Variants in ANKS1B observed in about 807,000 individuals in gnomAD.
ANKS1B encodes the protein ankyrin repeat and sterile alpha motif domain-containing protein 1B.
A neutral mutation model predicts 148.3 loss-of-function variants in ANKS1B; 36 were observed. The observed-to-expected ratio is 0.24, with a 90% CI of 0.19 to 0.32. ANKS1B has a LOEUF of 0.32. Among genes scored for constraint, ANKS1B ranks in the 10% least tolerant of loss-of-function variants. The pLI is 1.00. For synonymous variants in ANKS1B, 542 were observed against 560.8 expected (o/e 0.97, Z 0.47); for missense variants, 1,157 against 1,542.6 (o/e 0.75, Z 4.19).
chr12:99,196,615 C>G (rs1024418844), intron 14 of ANKS1B, among the ~76,000 whole-genome samples: 8 of 150,312 alleles, frequency 5.3e-5, no homozygotes, highest in African/African-American at 2.0e-4. Context: ...TGTTTTTTTT[C>G]TTTTTTTTAA....
chr12:99,456,751 C>T (rs1255656040), intron 10 of ANKS1B, among the ~76,000 whole-genome samples: 1 of 151,902 alleles, frequency 6.6e-6, no homozygotes, highest in Non-Finnish European at 1.5e-5. Flanking sequence ...ATGAACAAGG[C>T]CTCCAAGAAA....
intron 1 of ANKS1B, among the ~76,000 whole-genome samples, chr12:99,877,388 C>T (rs2092182832): frequency 6.6e-6 from 1 of 152,052 alleles, no homozygotes; most frequent in Non-Finnish European, 1.5e-5. Context: ...TGATTATGCC[C>T]CCTAGAAATC....
At position 99,616,403 on chromosome 12, in the gene ANKS1B, A is replaced by G. The variant is rs377349997; in HGVS notation, c.1272+38664T>C. Among the ~76,000 whole-genome samples the G allele has an allele frequency of 4.1e-4, 62 of 152,336 alleles. 1 individual carries two copies. The East Asian group carries it at 0.011, about 27-fold the overall frequency. On this transcript the variant is annotated intron_variant, in intron 9 of 26. Transcript: ENST00000683438. ...TGACTTCAAACTATACTACAAGGCT[A>G]CAGTAACCAAAACAGCAGGGTACTC... is the stretch of plus-strand genomic sequence containing the variant.
At chr12:99,704,226 G>C (rs2055345131) in intron 8 of ANKS1B, among the ~76,000 whole-genome samples, 2 of 152,036 alleles carry the variant, frequency 1.3e-5, no homozygotes. Context: ...GTCCTCTGTG[G>C]GCTAACGTGG....
intron 1 of ANKS1B, among the ~76,000 whole-genome samples, chr12:99,865,750 A>C (rs1045470504): frequency 6.6e-5 from 10 of 152,182 alleles, no homozygotes; most frequent in African/African-American, 1.9e-4. Context: ...GTTGGTCTTT[A>C]TTTACACTAA....
intron 17 of ANKS1B, among the ~76,000 whole-genome samples, chr12:99,005,396 T>C (rs1229501878): frequency 6.6e-6 from 1 of 152,238 alleles, no homozygotes; most frequent in Non-Finnish European, 1.5e-5. Flanking sequence ...CAGTGCATTC[T>C]AATCCTTCCT....
chr12:99,965,652 G>A (rs7312868), intron 1 of ANKS1B, among the ~76,000 whole-genome samples: 10,226 of 152,204 alleles, frequency 0.067, 411 homozygotes, highest in Non-Finnish European at 0.081. Flanking sequence ...GGCCAGGCAC[G>A]GTGGCTCACG....
chr12:98,833,630 G>A (rs2099344762), intron 17 of ANKS1B, among the ~76,000 whole-genome samples: 1 of 152,012 alleles, frequency 6.6e-6, no homozygotes. Flanking sequence ...TGGTATATGT[G>A]CAGGTTTGTT....
At chr12:98,914,656 A>T (rs2099791703) in intron 17 of ANKS1B, among the ~76,000 whole-genome samples, 1 of 151,940 alleles carries the variant, frequency 6.6e-6, no homozygotes, top group Non-Finnish European at 1.5e-5. Flanking sequence ...CTGTTGAGTG[A>T]ACACTCCAGG....
At chr12:99,843,848 T>G (rs372645575) in intron 1 of ANKS1B, among the ~76,000 whole-genome samples, 95 of 152,252 alleles carry the variant, frequency 6.2e-4, no homozygotes, top group African/African-American at 2.3e-3. Flanking sequence ...TTCCACAATG[T>G]TGAACTAATT....
intron 8 of ANKS1B, among the ~76,000 whole-genome samples, chr12:99,715,289 G>A (rs997117572): frequency 6.6e-6 from 1 of 152,000 alleles, no homozygotes; most frequent in Non-Finnish European, 1.5e-5. Flanking sequence ...CATAAAAGAA[G>A]TGAAAATGGC....
intron 3 of ANKS1B, 59 bp downstream of exon 3, chr12:99,812,096 T>C (rs773279963): frequency 1.2e-5 from 19 of 1,531,694 alleles, no homozygotes; most frequent in Admixed American, 2.0e-5. Context: ...ATTTTCAATA[T>C]GGCTTTGCCT....
At chr12:98,869,691 ATGTG>A (rs1338566570) in intron 17 of ANKS1B, among the ~76,000 whole-genome samples, 1 of 152,098 alleles carries the variant, frequency 6.6e-6, no homozygotes, top group Non-Finnish European at 1.5e-5. Context: ...ATACATATGT[ATGTG>A]TGTGTATGTG....
intron 14 of ANKS1B, among the ~76,000 whole-genome samples, chr12:99,169,438 T>A (rs1246984828): frequency 1.3e-5 from 2 of 151,942 alleles, no homozygotes; most frequent in African/African-American, 4.8e-5. Context: ...ACAAGAGTTT[T>A]AAAAAAAAGA....
At chr12:99,223,763 G>A (rs993067842) in intron 14 of ANKS1B, among the ~76,000 whole-genome samples, 2 of 151,972 alleles carry the variant, frequency 1.3e-5, no homozygotes, top group African/African-American at 2.4e-5. Flanking sequence ...CTGCCTTCAG[G>A]CTTTCCACAC....
At chr12:99,813,816 C>T (rs904298462) in intron 2 of ANKS1B, among the ~76,000 whole-genome samples, 6 of 151,560 alleles carry the variant, frequency 4.0e-5, no homozygotes, top group Admixed American at 6.6e-5. Flanking sequence ...CATTATTTTA[C>T]GAAATCTGAA....
chr12:99,537,094 CATT>C (rs745434246), intron 9 of ANKS1B, among the ~76,000 whole-genome samples: 4 of 152,104 alleles, frequency 2.6e-5, no homozygotes, highest in Non-Finnish European at 5.9e-5. Context: ...GTCTAGATCT[CATT>C]ATTTTTATGG....
In ANKS1B at chr12:99,984,805, A is replaced by G. The variant is rs2095754610; in HGVS notation, c.-568T>C. 1.4e-5 allele frequency among the ~76,000 whole-genome samples: 2 copies of G among 145,072 alleles called. No individual in the cohort carries two copies. The highest frequency in any genetic ancestry group is 1.4e-4 in the Admixed American group (2 of 14,654). On this transcript the variant is annotated 5_prime_UTR_variant, in exon 1 of 27. Coordinates refer to ENST00000683438, the MANE Select transcript of ANKS1B (RefSeq NM_001352186.2). ...GGCTCGTGCGCTGTGGCCCGCGCCG[A>G]GGCAGGGCGGTGGGGGGCAGCCGCA...
At chr12:98,838,748 G>T (rs2099389280) in intron 17 of ANKS1B, among the ~76,000 whole-genome samples, 1 of 152,158 alleles carries the variant, frequency 6.6e-6, no homozygotes. Flanking sequence ...GAGCTCACCT[G>T]GCTTCAGAGT....
Sources: allele counts gnomAD v4.1 joint callset (sites outside exome capture counted in the v4.1 genomes callset), GRCh38; gene constraint gnomAD v4.1.1; transcripts MANE v1.5; gene names NCBI Gene and HGNC (gene_info 2026-07-23, HGNC 2026-07-21).